Variants in BTAF1 observed in about 807,000 individuals in gnomAD.
The protein encoded by BTAF1 is B-TFIID TATA-box binding protein associated factor 1.
BTAF1 carries 38 observed loss-of-function variants against 227.1 expected under a neutral mutation model. The observed-to-expected ratio is 0.17, with a 90% CI of 0.13 to 0.22. The LOEUF (loss-of-function observed/expected upper bound fraction) is 0.22, where lower values mean the gene tolerates loss of function less well. BTAF1 is among the 10% of genes least tolerant of loss of function. The pLI is 1.00. For synonymous variants in BTAF1, 742 were observed against 751.9 expected (o/e 0.99, Z 0.21); for missense variants, 1,598 against 2,204.0 (o/e 0.73, Z 5.51).
In BTAF1 at chr10:91,927,878, C is replaced by G. The variant is rs578115472; in HGVS notation, c.14+3788C>G. The stretch of plus-strand genomic sequence containing the variant: ...CGCATCTTAGGGACAACATTGTTCT[C>G]TACTCCTACATTTGTAGGAGTATGA... On this transcript the variant is annotated intron_variant, in intron 1 of 37. Coordinates refer to ENST00000265990, the MANE Select transcript of BTAF1 (RefSeq NM_003972.3). Among the ~76,000 whole-genome samples the G allele has an allele frequency of 2.6e-5, 4 of 152,028 alleles. No homozygotes were observed. In the East Asian group the frequency reaches 7.7e-4, roughly 29 times the overall value.
chr10:92,003,186 A>G (rs918101529), intron 25 of BTAF1, among the ~76,000 whole-genome samples: 1 of 151,926 alleles, frequency 6.6e-6, no homozygotes, highest in Admixed American at 6.6e-5. Flanking sequence ...GGCGTCCAAC[A>G]TGATGTTTTG....
rs775484292 is a variant in BTAF1, at chr10:91,982,151, A to G, written c.1974A>G (p.Ala658=). The change falls in exon 17 of 38, where the codon GCA becomes GCG. Residue 658 remains alanine (A), a synonymous_variant. Coordinates refer to ENST00000265990, the MANE Select transcript of BTAF1 (RefSeq NM_003972.3). The stretch of plus-strand genomic sequence containing the variant: ...AAGAAGTACTTCAGGAGTATATTGC[A>G]GGTGCCGACACCATCATGGAAGACC... ...QNKEVLQEYI[A]GADTIMEDPA... The G allele has an allele frequency of 1.2e-6, 2 of 1,613,906 alleles. No homozygotes were observed. Among genetic ancestry groups the G allele is most frequent in the African/African-American group, 2.7e-5 (2 of 74,912 alleles).
At chr10:91,936,427 A>G (rs891701516) in intron 2 of BTAF1, among the ~76,000 whole-genome samples, 1 of 152,154 alleles carries the variant, frequency 6.6e-6, no homozygotes, top group African/African-American at 2.4e-5. Flanking sequence ...ATGATTGCCC[A>G]GATATAGGGA....
chr10:91,924,186 T>C, intron 1 of BTAF1, 96 bp downstream of exon 1: 2 of 1,502,598 alleles, frequency 1.3e-6, no homozygotes, highest in South Asian at 2.5e-5. Flanking sequence ...CGGTTCTCAT[T>C]GTCACTGGGC....
chr10:91,994,910 C>G (rs1434422310), intron 23 of BTAF1, among the ~76,000 whole-genome samples: 1 of 152,088 alleles, frequency 6.6e-6, no homozygotes, highest in Non-Finnish European at 1.5e-5. Context: ...ACACAGGAGC[C>G]AGATGTAAAT....
Position 91,989,284 on chromosome 10 carries a change from A to T in BTAF1, c.2558A>T (p.Gln853Leu). The T allele has an allele frequency of 6.2e-7, 1 of 1,614,230 alleles. No homozygotes were observed. The highest frequency in any genetic ancestry group is 8.5e-7 in the Non-Finnish European group (1 of 1,180,044). The change falls in exon 20 of 38, where the codon CAG (glutamine) becomes CTG (leucine). Residue 853 changes from glutamine (Q) to leucine (L), a missense_variant. Physicochemically the swap from Gln to Leu is moderately radical, Grantham distance 113 (BLOSUM62 -2). This residue lies in a region of BTAF1 where 425 missense variants were observed against 491.2 expected (regional missense o/e 0.87). Transcript: ENST00000265990. Reference sequence around the variant, plus strand: ...ACCAACCAGGAGTGGCAAGTGTTGCAGTTGAGAGTGCATACTTTTGCTGCC... The same window carrying T: ...ACCAACCAGGAGTGGCAAGTGTTGCTGTTGAGAGTGCATACTTTTGCTGCC... ...TETNQEWQVL[Q>L]LRVHTFAACA...
chr10:92,005,244 G>T (rs11817194), intron 25 of BTAF1, among the ~76,000 whole-genome samples: 36,216 of 150,826 alleles, frequency 0.24, 5,664 homozygotes, highest in African/African-American at 0.45. Flanking sequence ...GAGTTTTTTT[G>T]TTTGTTTGTT....
intron 5 of BTAF1, 133 bp from the exon 6 acceptor site, chr10:91,953,604 G>A: frequency 1.0e-6 from 1 of 977,816 alleles, no homozygotes; most frequent in East Asian, 2.5e-5. Flanking sequence ...AAAAGAGTGT[G>A]AACCTGTCAA....
At chr10:92,013,356 A>G (rs773355232) in intron 30 of BTAF1, among the ~76,000 whole-genome samples, 25 of 152,174 alleles carry the variant, frequency 1.6e-4, no homozygotes, top group Non-Finnish European at 2.1e-4. Context: ...GTGTCAAAAT[A>G]ATCAGAAAGT....
intron 2 of BTAF1, among the ~76,000 whole-genome samples, chr10:91,936,712 G>A (rs1303822536): frequency 2.6e-5 from 4 of 152,220 alleles, no homozygotes; most frequent in African/African-American, 9.6e-5. Flanking sequence ...ATATTAGGCA[G>A]TATTCGTGTG....
intron 37 of BTAF1, 97 bp downstream of exon 37, chr10:92,027,397 T>C (rs940671945): frequency 4.3e-6 from 5 of 1,170,922 alleles, no homozygotes; most frequent in African/African-American, 1.5e-5. Context: ...GCGTTTACTT[T>C]AGTATCCATG....
chr10:91,936,163 A>G (rs1376168932), intron 2 of BTAF1, among the ~76,000 whole-genome samples: 1 of 152,142 alleles, frequency 6.6e-6, no homozygotes, highest in Non-Finnish European at 1.5e-5. Context: ...GTTACATTCT[A>G]AGTTATCAGC....
intron 1 of BTAF1, among the ~76,000 whole-genome samples, chr10:91,926,061 T>C (rs1843805528): frequency 6.6e-6 from 1 of 152,196 alleles, no homozygotes; most frequent in South Asian, 2.1e-4. Context: ...GTTTTGGGGA[T>C]AGTGTCAATT....
intron 25 of BTAF1, among the ~76,000 whole-genome samples, chr10:92,003,002 C>G (rs1042593461): frequency 6.6e-6 from 1 of 151,976 alleles, no homozygotes; most frequent in African/African-American, 2.4e-5. Flanking sequence ...ACTGAAAATA[C>G]AAAAGTTAGC....
At chr10:91,953,687 A>T (rs1328588582) in intron 5 of BTAF1, 50 bp from the exon 6 acceptor site, 6 of 1,587,932 alleles carry the variant, frequency 3.8e-6, no homozygotes, top group Non-Finnish European at 5.1e-6. Flanking sequence ...GACTATAGGT[A>T]CTTATTTTAA....
chr10:91,942,498 A>C lies in BTAF1; in HGVS notation c.330A>C (p.Arg110Ser). The change falls in exon 4 of 38, where the codon AGA becomes AGC. Residue 110 changes from arginine to serine, a missense_variant. Arg to Ser is a moderately radical substitution (Grantham distance 110, BLOSUM62 -1). Coordinates refer to ENST00000265990, the MANE Select transcript of BTAF1 (RefSeq NM_003972.3). ...ATTTTGACAGATTTGATATATGTAGATTGTTACAACATGGTGCATCACTCC... is the reference window on the plus strand; with the variant it reads ...ATTTTGACAGATTTGATATATGTAGCTTGTTACAACATGGTGCATCACTCC... ...RLNFDRFDIC[R>S]LLQHGASLLG... 6.2e-7 allele frequency: 1 copy of C among 1,614,124 alleles called. No individual in the cohort carries two copies. Among genetic ancestry groups the C allele is most frequent in the Non-Finnish European group, 8.5e-7 (1 of 1,179,970 alleles).
chr10:91,963,335 C>T (rs887108740), intron 12 of BTAF1, among the ~76,000 whole-genome samples: 2 of 150,456 alleles, frequency 1.3e-5, no homozygotes, highest in African/African-American at 2.4e-5. Context: ...AGGAGAATGG[C>T]GTGAACCCGG....
intron 1 of BTAF1, among the ~76,000 whole-genome samples, chr10:91,929,921 A>G (rs61874756): frequency 3.1e-4 from 47 of 152,310 alleles, no homozygotes; most frequent in Middle Eastern, 3.4e-3. Context: ...TTCATCAAAT[A>G]TCTCATACTT....
At chr10:91,928,416 T>C (rs1382891781) in intron 1 of BTAF1, among the ~76,000 whole-genome samples, 1 of 152,158 alleles carries the variant, frequency 6.6e-6, no homozygotes, top group Non-Finnish European at 1.5e-5. Context: ...TATGACTCTT[T>C]TAAACCCTTA....
Sources: allele counts gnomAD v4.1 joint callset (sites outside exome capture counted in the v4.1 genomes callset), GRCh38; gene constraint gnomAD v4.1.1; regional missense constraint gnomAD v4.1.1; transcripts MANE v1.5; gene names NCBI Gene and HGNC (gene_info 2026-07-23, HGNC 2026-07-21).